CHODL: variants seen among roughly 807,000 people sequenced by gnomAD.
CHODL encodes the protein transmembrane protein MT75.
A neutral mutation model predicts 34.5 loss-of-function variants in CHODL; 29 were observed. That is an observed-to-expected ratio of 0.84 (90% CI 0.63 to 1.15). The LOEUF is 1.15. CHODL is among the 50% of genes most tolerant of loss of function. The pLI, the probability that CHODL is intolerant of heterozygous loss-of-function variation, is 0.00. For synonymous variants in CHODL, 125 were observed against 116.1 expected (o/e 1.08, Z -0.49); for missense variants, 332 against 332.5 (o/e 1.00, Z 0.01).
intron 2 of CHODL, among the ~76,000 whole-genome samples, chr21:18,179,819 C>T (rs2073360723): frequency 6.6e-6 from 1 of 152,124 alleles, no homozygotes; most frequent in Non-Finnish European, 1.5e-5. Context: ...CCTGTCTTAA[C>T]ACTGTAATTT....
At chr21:17,958,011 A>G (rs559632520) in intron 1 of CHODL, among the ~76,000 whole-genome samples, 20 of 152,202 alleles carry the variant, frequency 1.3e-4, no homozygotes, top group South Asian at 4.1e-4. Context: ...AAGAAATTTT[A>G]CAACTTTTTG....
chr21:18,071,147 T>A (rs1315233223), intron 2 of CHODL, among the ~76,000 whole-genome samples: 8 of 35,724 alleles, frequency 2.2e-4, no homozygotes, highest in Admixed American at 2.0e-3. Flanking sequence ...AACTACAGCA[T>A]TTTTTTTTTT....
At chr21:18,181,906 A>G (rs1393229664) in intron 2 of CHODL, among the ~76,000 whole-genome samples, 8 of 152,212 alleles carry the variant, frequency 5.3e-5, no homozygotes. Context: ...TTTTATTGCT[A>G]AATAATATTC....
intron 2 of CHODL, among the ~76,000 whole-genome samples, chr21:18,163,155 A>G (rs1310913893): frequency 6.6e-6 from 1 of 152,228 alleles, no homozygotes; most frequent in Non-Finnish European, 1.5e-5. Flanking sequence ...GGATTTTGGT[A>G]CATATATGTA....
At chr21:18,113,165 A>G (rs1406112936) in intron 2 of CHODL, among the ~76,000 whole-genome samples, 1 of 152,236 alleles carries the variant, frequency 6.6e-6, no homozygotes, top group Non-Finnish European at 1.5e-5. Flanking sequence ...GCATATGAAA[A>G]GATGCTCAAT....
Position 18,009,340 on chromosome 21 carries a change from G to A in CHODL, c.-144-18532G>A, listed in dbSNP as rs185234608. On this transcript the variant is annotated intron_variant, in intron 1 of 6. Coordinates refer to the CHODL transcript ENST00000400127. ...ATATTTTTTCATTTTTAAAGGAAAC[G>A]AAAAATAAAACAAAGAAATACACTT... is the stretch of plus-strand genomic sequence containing the variant. Among the ~76,000 whole-genome samples, 98 of 152,082 alleles carry A rather than the reference G, an allele frequency of 6.4e-4. 1 individual carries two copies. In the East Asian group the frequency reaches 0.018, roughly 28 times the overall value.
chr21:18,160,346 CTTTTAT>C (rs2073081623), intron 2 of CHODL, among the ~76,000 whole-genome samples: 2 of 151,422 alleles, frequency 1.3e-5, no homozygotes, highest in African/African-American at 4.9e-5. Context: ...TTTTTTTTAA[CTTTTAT>C]TTTAAGTTCA....
intron 1 of CHODL, among the ~76,000 whole-genome samples, chr21:18,249,308 A>T (rs534972999): frequency 4.6e-5 from 7 of 151,144 alleles, no homozygotes; most frequent in African/African-American, 1.7e-4. Context: ...TCCTCATGAT[A>T]TAACACAGGA....
chr21:18,201,435 T>G (rs2073651242), intron 2 of CHODL, among the ~76,000 whole-genome samples: 1 of 151,772 alleles, frequency 6.6e-6, no homozygotes. Context: ...TAGGGTACTT[T>G]GCTTATTAAT....
intron 2 of CHODL, among the ~76,000 whole-genome samples, chr21:18,192,402 T>G (rs1015344540): frequency 1.3e-5 from 2 of 152,158 alleles, no homozygotes; most frequent in African/African-American, 4.8e-5. Context: ...TTCATTTCTG[T>G]TGAAAAAGAA....
intron 2 of CHODL, among the ~76,000 whole-genome samples, chr21:18,188,896 G>A (rs569214253): frequency 6.6e-6 from 1 of 152,328 alleles, no homozygotes; most frequent in East Asian, 1.9e-4. Context: ...TAATTGTTTT[G>A]AGATAATTAT....
intron 1 of CHODL, among the ~76,000 whole-genome samples, chr21:17,933,512 C>T (rs1406780552): frequency 1.3e-5 from 2 of 152,150 alleles, no homozygotes; most frequent in African/African-American, 4.8e-5. Flanking sequence ...ATCCATTTAA[C>T]CCTGAGTTGA....
intron 1 of CHODL, among the ~76,000 whole-genome samples, chr21:18,010,036 A>C (rs1335363204): frequency 6.7e-6 from 1 of 148,294 alleles, no homozygotes; most frequent in Non-Finnish European, 1.5e-5. Context: ...ACTTCTGCTC[A>C]TAATTAGAAT....
rs190952255 is a variant in CHODL, at chr21:18,150,700, C to T, written c.-44-105809C>T. On this transcript the variant is annotated intron_variant, in intron 2 of 6. Coordinates refer to the CHODL transcript ENST00000400127. ...CACTGTTCCTGGCTCATAACTGCCA[C>T]ACCCTTATTATTTCTCCCCAAGACA... is the stretch of plus-strand genomic sequence containing the variant. Among the ~76,000 whole-genome samples the T allele has an allele frequency of 8.3e-4, 127 of 152,302 alleles. 3 individuals are homozygous for T. The highest frequency in any genetic ancestry group is 7.5e-3 in the Admixed American group (115 of 15,302).
chr21:18,130,534 C>T (rs1453711803), intron 2 of CHODL, among the ~76,000 whole-genome samples: 2 of 151,980 alleles, frequency 1.3e-5, no homozygotes, highest in Non-Finnish European at 2.9e-5. Context: ...AGGGCTGATT[C>T]CTGGGAATGA....
At chr21:17,963,902 G>A (rs1232364913) in intron 1 of CHODL, among the ~76,000 whole-genome samples, 1 of 151,934 alleles carries the variant, frequency 6.6e-6, no homozygotes, top group Non-Finnish European at 1.5e-5. Context: ...AAAAGGATTT[G>A]GCTAAAATGA....
chr21:18,138,247 T>A (rs2072758529), intron 2 of CHODL, among the ~76,000 whole-genome samples: 1 of 152,158 alleles, frequency 6.6e-6, no homozygotes, highest in Non-Finnish European at 1.5e-5. Context: ...TATCATTATA[T>A]ATTTTGGAAT....
intron 2 of CHODL, among the ~76,000 whole-genome samples, chr21:18,050,618 C>T (rs1389751283): frequency 6.6e-6 from 1 of 151,876 alleles, no homozygotes; most frequent in Non-Finnish European, 1.5e-5. Flanking sequence ...GAGAATAGAA[C>T]CAACGATGAC....
At chr21:17,960,803 C>T (rs1054008502) in intron 1 of CHODL, among the ~76,000 whole-genome samples, 3 of 152,182 alleles carry the variant, frequency 2.0e-5, no homozygotes, top group East Asian at 1.9e-4. Flanking sequence ...CATTCCTCCT[C>T]AATTCCCTAT....
Sources: allele counts gnomAD v4.1 joint callset (sites outside exome capture counted in the v4.1 genomes callset), GRCh38; gene constraint gnomAD v4.1.1; transcripts MANE v1.5; gene names NCBI Gene and HGNC (gene_info 2026-07-23, HGNC 2026-07-21).